The following ZFR variants were observed in gnomAD, a reference collection of about 807,000 sequenced individuals.
ZFR encodes the protein zinc finger RNA-binding protein.
A neutral mutation model predicts 130.7 loss-of-function variants in ZFR; 19 were observed. The ratio of observed to expected loss-of-function variants is 0.15; its 90% CI spans 0.10 to 0.21. The LOEUF is 0.21. ZFR is among the 10% of genes least tolerant of loss of function. The pLI, the probability that ZFR is intolerant of heterozygous loss-of-function variation, is 1.00. For missense variants in ZFR, 872 were observed against 1,321.5 expected (o/e 0.66, Z 5.27); for synonymous variants, 466 against 456.9 (o/e 1.02, Z -0.25).
intron 5 of ZFR, among the ~76,000 whole-genome samples, chr5:32,411,737 A>G (rs936480367): frequency 6.7e-6 from 1 of 149,088 alleles, no homozygotes; most frequent in Non-Finnish European, 1.5e-5. Flanking sequence ...AAAATATAAT[A>G]CAAAACTCAG....
At chr5:32,423,396 G>A (rs1753999403) in intron 2 of ZFR, among the ~76,000 whole-genome samples, 1 of 146,832 alleles carries the variant, frequency 6.8e-6, no homozygotes, top group Non-Finnish European at 1.6e-5. Context: ...ATCACCACAT[G>A]TCTGAAGAAA....
intron 17 of ZFR, chr5:32,364,649 G>A (rs1752504007): frequency 6.5e-6 from 1 of 153,708 alleles, no homozygotes; most frequent in Non-Finnish European, 1.4e-5. Flanking sequence ...CGGGAGGATC[G>A]CTTGAGCCTG....
chr5:32,435,639 TTTTA>T (rs1754316461), intron 2 of ZFR, among the ~76,000 whole-genome samples: 1 of 152,192 alleles, frequency 6.6e-6, no homozygotes, highest in East Asian at 1.9e-4. Context: ...GTTTAAACAG[TTTTA>T]TTGTTTTTCC....
rs1005502207 is a variant in ZFR, at chr5:32,400,056, G to A, written c.1664C>T (p.Ala555Val). 1.9e-6 allele frequency: 3 copies of A among 1,612,962 alleles called. No homozygotes were observed. The highest frequency in any genetic ancestry group is 1.1e-5 in the South Asian group (1 of 90,928). The change falls in exon 9 of 20, where the codon GCT becomes GTT. Residue 555 changes from alanine (A) to valine (V), a missense_variant. Transcript: ENST00000265069. ...VSEPVTPASL[A>V]ALQSDVQPVG... Reference sequence around the variant, plus strand: ...TGGCTGCACATCACTCTGTAAAGCAGCAAGAGATGCAGGTGTGACTGGTTC... The same window carrying A: ...TGGCTGCACATCACTCTGTAAAGCAACAAGAGATGCAGGTGTGACTGGTTC...
Position 32,419,958 on chromosome 5 carries a change from C to G in ZFR, c.283G>C (p.Val95Leu). ...ATVAVARPAP[V>L]AVAAAATAAA... ...GCTGTTGCAGCAGCTGCAACAGCTA[C>G]TGGAGCAGGCCTGGCAACTGCAACT... Residue 95 changes from valine to leucine, a missense_variant, in exon 3 of 20, where the codon GTA becomes CTA. Coordinates refer to ENST00000265069, the MANE Select transcript of ZFR (RefSeq NM_016107.5). 6.2e-7 allele frequency: 1 copy of G among 1,613,896 alleles called. No individual in the cohort carries two copies. Among genetic ancestry groups the G allele is most frequent in the Non-Finnish European group, 8.5e-7 (1 of 1,179,974 alleles).
intron 10 of ZFR, among the ~76,000 whole-genome samples, chr5:32,395,887 T>C (rs148630543): frequency 6.6e-6 from 1 of 152,136 alleles, no homozygotes; most frequent in African/African-American, 2.4e-5. Context: ...AAAATAACTG[T>C]TTATGTTATC....
Position 32,419,901 on chromosome 5 carries a change from T to G in ZFR, c.340A>C (p.Thr114Pro). 1 of 1,614,012 alleles carries G rather than the reference T, an allele frequency of 6.2e-7. No individual in the cohort carries two copies. The highest frequency in any genetic ancestry group is 8.5e-7 in the Non-Finnish European group (1 of 1,179,944). Residue 114 changes from threonine (T) to proline (P), a missense_variant, in exon 3 of 20, where the codon ACA (threonine) becomes CCA (proline). Thr to Pro is a conservative substitution (Grantham distance 38, BLOSUM62 -1). This residue lies in a region of ZFR where 240 missense variants were observed against 441.2 expected (regional missense o/e 0.54). Transcript: ENST00000265069. Reference sequence around the variant, plus strand: ...TGAGTATAACCATAGTCAGTTGCTGTGTGTGCAGTGGGGTAGCCTCCATAA... The same window carrying G: ...TGAGTATAACCATAGTCAGTTGCTGGGTGTGCAGTGGGGTAGCCTCCATAA... ...AAYGGYPTAH[T>P]ATDYGYTQRQ...
chr5:32,409,942 C>T (rs534518845), intron 5 of ZFR, among the ~76,000 whole-genome samples: 1 of 152,150 alleles, frequency 6.6e-6, no homozygotes, highest in Admixed American at 6.5e-5. Context: ...CACTACACTC[C>T]AGCCTGGGTG....
chr5:32,419,834 G>A lies in ZFR; in HGVS notation c.407C>T (p.Thr136Ile). ...EAPPPPPPATTQNYQDSYSYV... is the reference protein window; with the variant it reads ...EAPPPPPPATIQNYQDSYSYV... ...TAGTTTTCTTACCTGGTAGTTTTGT[G>A]TAGTAGCTGGGGGTGGTGGTGGTGG... The change falls in exon 3 of 20, where the codon ACA becomes ATA. Residue 136 changes from threonine (T) to isoleucine (I), a missense_variant. Physicochemically the swap from Thr to Ile is moderately conservative, Grantham distance 89. Coordinates refer to ENST00000265069, the MANE Select transcript of ZFR (RefSeq NM_016107.5). The A allele has an allele frequency of 6.2e-7, 1 of 1,601,800 alleles. No individual in the cohort carries two copies. Among genetic ancestry groups the A allele is most frequent in the Non-Finnish European group, 8.5e-7 (1 of 1,172,302 alleles).
Position 32,403,248 on chromosome 5 carries a change from C to T in ZFR, c.1374G>A (p.Thr458=), listed in dbSNP as rs767548795. ...SIAANNCTVN[T]SSVATSSMKG... Reference sequence around the variant, plus strand: ...TCATTGAAGACGTTGCAACTGATGACGTATTCACAGTACAATTGTTTGCTG... The same window carrying T: ...TCATTGAAGACGTTGCAACTGATGATGTATTCACAGTACAATTGTTTGCTG... The change falls in exon 8 of 20, where the codon ACG becomes ACA. Residue 458 remains threonine (T), a synonymous_variant. Transcript: ENST00000265069. The T allele has an allele frequency of 1.7e-5, 27 of 1,614,016 alleles. No homozygotes were observed. The highest frequency in any genetic ancestry group is 1.6e-4 in the Middle Eastern group (1 of 6,084).
At chr5:32,437,643 G>A (rs533919221) in intron 2 of ZFR, among the ~76,000 whole-genome samples, 3 of 152,156 alleles carry the variant, frequency 2.0e-5, no homozygotes, top group Admixed American at 2.0e-4. Flanking sequence ...ACATTTATAA[G>A]CCTGAATGGT....
intron 15 of ZFR, among the ~76,000 whole-genome samples, chr5:32,381,740 C>T (rs563115062): frequency 1.6e-4 from 24 of 152,064 alleles, no homozygotes; most frequent in African/African-American, 4.3e-4. Flanking sequence ...TTTTACTCCT[C>T]GAGTAATCAG....
chr5:32,420,298 ATTCT>A (rs905311512), intron 2 of ZFR, among the ~76,000 whole-genome samples, 195 bp from the exon 3 acceptor site: 2 of 152,050 alleles, frequency 1.3e-5, no homozygotes, highest in African/African-American at 4.8e-5. Context: ...TGTAATTTTC[ATTCT>A]TTTTTTTTTA....
chr5:32,391,763 C>CT (rs956846485), intron 11 of ZFR, among the ~76,000 whole-genome samples: 14 of 151,674 alleles, frequency 9.2e-5, no homozygotes, highest in African/African-American at 2.9e-4. Flanking sequence ...ATAAGCAGTG[C>CT]TTTTTTTTCC....
At position 32,357,012 on chromosome 5, in the gene ZFR, A is replaced by G. The variant is rs545878890; in HGVS notation, c.3046-1073T>C. Among the ~76,000 whole-genome samples the G allele has an allele frequency of 2.0e-5, 3 of 152,240 alleles. No individual in the cohort carries two copies. In the East Asian group the frequency reaches 5.8e-4, roughly 29 times the overall value. ...TTGTTATTTACAACATTTTTGAGAC[A>G]TGGTCTTACTCTGTTGCCCAGGCTG... On this transcript the variant is annotated intron_variant, in intron 19 of 19. Transcript: ENST00000265069.
chr5:32,360,843 C>T (rs34896288), intron 19 of ZFR, among the ~76,000 whole-genome samples: 46,959 of 151,958 alleles, frequency 0.31, 7,527 homozygotes, highest in Middle Eastern at 0.44. Context: ...CCTCCCACCT[C>T]GGCCTCGCAA....
chr5:32,415,033 C>T lies in ZFR; in HGVS notation c.720G>A (p.Ala240=), dbSNP rs1163978499. Reference sequence around the variant, plus strand: ...GAGTATAGGATGGCACCACAGTAGCCGCAGCTGCTACTGGCTGTACGGTGG... The same window carrying T: ...GAGTATAGGATGGCACCACAGTAGCTGCAGCTGCTACTGGCTGTACGGTGG... The part of the protein sequence containing the change: ...VSSTVQPVAA[A]ATVVPSYTQS... The change falls in exon 5 of 20, where the codon GCG becomes GCA. Residue 240 remains alanine (A), a synonymous_variant. Transcript: ENST00000265069. 8.1e-6 allele frequency: 13 copies of T among 1,613,896 alleles called. No homozygotes were observed. The highest frequency in any genetic ancestry group is 1.6e-4 in the Middle Eastern group (1 of 6,084).
intron 11 of ZFR, among the ~76,000 whole-genome samples, chr5:32,392,419 A>G (rs570993569): frequency 6.6e-6 from 1 of 152,238 alleles, no homozygotes; most frequent in South Asian, 2.1e-4. Flanking sequence ...ACCAACACAT[A>G]CATAATAGTA....
At chr5:32,397,861 T>TTTTC (rs1753353690) in intron 9 of ZFR, among the ~76,000 whole-genome samples, 1 of 127,946 alleles carries the variant, frequency 7.8e-6, no homozygotes, top group Non-Finnish European at 1.7e-5. Flanking sequence ...TTTTTTTTTT[T>TTTTC]TTTTTTTTTT....
Sources: allele counts gnomAD v4.1 joint callset (sites outside exome capture counted in the v4.1 genomes callset), GRCh38; gene constraint gnomAD v4.1.1; regional missense constraint gnomAD v4.1.1; transcripts MANE v1.5; gene names NCBI Gene and HGNC (gene_info 2026-07-23, HGNC 2026-07-21).